The following DZANK1 variants were observed in gnomAD, a reference collection of about 807,000 sequenced individuals.
DZANK1 encodes the protein double zinc ribbon and ankyrin repeat-containing protein 1.
A neutral mutation model predicts 94.5 loss-of-function variants in DZANK1; 91 were observed. The ratio of observed to expected loss-of-function variants is 0.96; its 90% CI spans 0.81 to 1.15. The LOEUF (loss-of-function observed/expected upper bound fraction) is 1.15. Ranked by LOEUF, DZANK1 falls within the 50% of genes most tolerant of loss-of-function variation. The pLI, the probability that DZANK1 is intolerant of heterozygous loss-of-function variation, is 0.00. For synonymous variants in DZANK1, 312 were observed against 325.3 expected (o/e 0.96, Z 0.44); for missense variants, 903 against 916.4 (o/e 0.99, Z 0.19).
chr20:18,450,544 T>C (rs910462302), intron 6 of DZANK1, among the ~76,000 whole-genome samples: 2 of 152,256 alleles, frequency 1.3e-5, no homozygotes, highest in African/African-American at 4.8e-5. Flanking sequence ...CTTTAAATTA[T>C]GTTATTACAC....
rs745557359 is a variant in DZANK1 at position 18,435,450 on chromosome 20, A to G, written c.748-1685T>C. ...ACGAGTTCATGTCCTTTGCAGGGAC[A>G]TGGATGAAGCTGGAAGCCATCGTTC... On this transcript the variant is annotated intron_variant, in intron 8 of 20. Coordinates refer to ENST00000262547, the Ensembl canonical transcript of DZANK1. Among the ~76,000 whole-genome samples, 3 of 152,304 alleles carry G rather than the reference A, an allele frequency of 2.0e-5. No homozygotes were observed. The South Asian group carries it at 6.2e-4, about 32-fold the overall frequency.
intron 17 of DZANK1, among the ~76,000 whole-genome samples, chr20:18,393,091 G>T (rs1328145803): frequency 6.6e-6 from 1 of 152,152 alleles, no homozygotes; most frequent in Non-Finnish European, 1.5e-5. Context: ...TTGGTGCACT[G>T]GGGCCCAAGA....
chr20:18,425,261 G>A lies in DZANK1; in HGVS notation c.954+1806C>T, dbSNP rs549655190. Among the ~76,000 whole-genome samples the A allele has an allele frequency of 2.4e-4, 37 of 152,240 alleles. 2 individuals are homozygous for A. The highest frequency in any genetic ancestry group is 7.9e-4 in the African/African-American group (33 of 41,554). ...TGTCCGTGATTAGACGACATTAAAA[G>A]GTATCTTGTCAGAGGGCGCAGTGGC... On this transcript the variant is annotated intron_variant, in intron 10 of 20. Coordinates refer to ENST00000262547, the Ensembl canonical transcript of DZANK1.
At chr20:18,422,421 C>T (rs907415223) in intron 10 of DZANK1, among the ~76,000 whole-genome samples, 1 of 152,090 alleles carries the variant, frequency 6.6e-6, no homozygotes, top group African/African-American at 2.4e-5. Context: ...TATGCTAGTA[C>T]CATGCTGTTC....
rs1168452464 is a variant in DZANK1, at chr20:18,452,661, G to A, written c.497C>T (p.Ala166Val). 1.9e-6 allele frequency: 3 copies of A among 1,605,800 alleles called. No individual in the cohort carries two copies. The East Asian group carries it at 6.7e-5, about 36-fold the overall frequency. Reference sequence around the variant, plus strand: ...TCTAGAACCTGATCCTCCACCATAAGCTGGGATTTCCAATGGACTCTCTGA... The same window carrying A: ...TCTAGAACCTGATCCTCCACCATAAACTGGGATTTCCAATGGACTCTCTGA... Residue 166 changes from alanine (A) to valine (V), a missense_variant, in exon 6 of 21, where the codon GCT becomes GTT. Transcript: ENST00000262547.
chr20:18,390,281 AT>A, intron 18 of DZANK1, 97 bp downstream of exon 18: 1 of 1,144,326 alleles, frequency 8.7e-7, no homozygotes. Flanking sequence ...GGGCAGTGTA[AT>A]TTTCACAGTA....
intron 3 of DZANK1, among the ~76,000 whole-genome samples, chr20:18,456,121 A>G (rs2059277286): frequency 6.6e-6 from 1 of 152,204 alleles, no homozygotes; most frequent in Admixed American, 6.5e-5. Context: ...TCAGACCATA[A>G]GCCTCAAACT....
At chr20:18,409,849 C>T (rs991996374) in intron 13 of DZANK1, among the ~76,000 whole-genome samples, 4 of 151,998 alleles carry the variant, frequency 2.6e-5, no homozygotes, top group Non-Finnish European at 5.9e-5. Flanking sequence ...GCGGGTGGAT[C>T]ACGAGGTCAG....
At position 18,443,485 on chromosome 20, in the gene DZANK1, G is replaced by C. The variant is rs139701792; in HGVS notation, c.630-21C>G. On this transcript the variant is annotated intron_variant, in intron 7 of 20. Transcript: ENST00000262547. The stretch of plus-strand genomic sequence containing the variant: ...CACACCTACAACAAAACAGGTTCCC[G>C]ATTGGCCATGTTCTGGTGGGCCCAC... 5 of 1,349,144 alleles carry C rather than the reference G, an allele frequency of 3.7e-6. No individual in the cohort carries two copies. The East Asian group carries it at 1.4e-4, about 38-fold the overall frequency. 83.6% of individuals were successfully genotyped at this position (1,349,144 alleles called of 1,614,324 possible).
At chr20:18,461,099 A>G (rs1312345764) in intron 2 of DZANK1, among the ~76,000 whole-genome samples, 1 of 152,226 alleles carries the variant, frequency 6.6e-6, no homozygotes, top group Non-Finnish European at 1.5e-5. Flanking sequence ...TCAAAAGGTC[A>G]AAAAGGGTAT....
chr20:18,444,471 G>A (rs1467466079), intron 7 of DZANK1, among the ~76,000 whole-genome samples: 1 of 152,240 alleles, frequency 6.6e-6, no homozygotes, highest in Non-Finnish European at 1.5e-5. Flanking sequence ...TGCAGGGAGA[G>A]TTTCAGAATT....
intron 8 of DZANK1, among the ~76,000 whole-genome samples, chr20:18,442,842 G>T (rs2058753122): frequency 6.6e-6 from 1 of 151,914 alleles, no homozygotes; most frequent in African/African-American, 2.4e-5. Flanking sequence ...AGCCAAGTAT[G>T]TTTTTTAACT....
intron 13 of DZANK1, among the ~76,000 whole-genome samples, chr20:18,407,029 A>C (rs1302576402): frequency 6.6e-6 from 1 of 152,238 alleles, no homozygotes; most frequent in Non-Finnish European, 1.5e-5. Context: ...GCTTAGCTGC[A>C]ATATAATAGA....
intron 3 of DZANK1, 96 bp from the exon 4 acceptor site, chr20:18,455,457 A>G: frequency 1.3e-6 from 1 of 767,110 alleles, no homozygotes; most frequent in Non-Finnish European, 2.1e-6. Flanking sequence ...GCCTTAGTCT[A>G]GCTACTAAAT....
At chr20:18,462,782 A>G (rs1248851052) in intron 2 of DZANK1, among the ~76,000 whole-genome samples, 3 of 151,966 alleles carry the variant, frequency 2.0e-5, no homozygotes, top group Non-Finnish European at 4.4e-5. Context: ...GATTAAAAAT[A>G]CAAAAATTAG....
intron 10 of DZANK1, among the ~76,000 whole-genome samples, chr20:18,418,587 G>C (rs2057614071): frequency 6.6e-6 from 1 of 152,056 alleles, no homozygotes; most frequent in African/African-American, 2.4e-5. Context: ...TGTTACTCTG[G>C]GGATTTTGTT....
intron 10 of DZANK1, among the ~76,000 whole-genome samples, chr20:18,415,947 C>G (rs1350451347): frequency 2.0e-5 from 3 of 152,170 alleles, no homozygotes; most frequent in Non-Finnish European, 4.4e-5. Context: ...ATTCCTGGGA[C>G]TATGTTAGGT....
At chr20:18,420,975 AT>A (rs951517423) in intron 10 of DZANK1, 4 of 162,880 alleles carry the variant, frequency 2.5e-5, no homozygotes, top group Admixed American at 6.2e-5. Context: ...GAATCTGCTG[AT>A]TTTTTTTGTC....
chr20:18,442,193 A>T (rs2058734276), intron 8 of DZANK1, among the ~76,000 whole-genome samples: 2 of 152,256 alleles, frequency 1.3e-5, no homozygotes, highest in South Asian at 4.1e-4. Context: ...ATAATGTTAA[A>T]TATTTATAAT....
Sources: allele counts gnomAD v4.1 joint callset (sites outside exome capture counted in the v4.1 genomes callset), GRCh38; gene constraint gnomAD v4.1.1; transcripts MANE v1.5; gene names NCBI Gene and HGNC (gene_info 2026-07-23, HGNC 2026-07-21).